The following NFIL3 variants were observed in gnomAD, a reference collection of about 807,000 sequenced individuals.
NFIL3 encodes the protein nuclear factor interleukin-3-regulated protein.
Under a neutral mutation model 10.0 loss-of-function variants are expected in NFIL3, and 5 were observed. That is an observed-to-expected ratio of 0.50 (90% confidence interval 0.26 to 1.06). The LOEUF (loss-of-function observed/expected upper bound fraction) is 1.06, where lower values mean the gene tolerates loss of function less well. NFIL3 is among the 50% of genes least tolerant of loss of function. NFIL3 has a pLI of 0.13. For missense variants in NFIL3, 436 were observed against 547.6 expected (o/e 0.80, Z 2.03); for synonymous variants, 202 against 206.5 (o/e 0.98, Z 0.19).
the NFIL3 span, among the ~76,000 whole-genome samples, chr9:91,471,620 G>A: frequency 4.0e-5 from 6 of 151,342 alleles, no homozygotes; most frequent in African/African-American, 4.9e-5. Context: ...CCATTAACTC[G>A]TCATTTAGCA....
chr9:91,446,126 AGGACTGTGG>A, the NFIL3 span, among the ~76,000 whole-genome samples: 1 of 152,162 alleles, frequency 6.6e-6, no homozygotes, highest in Admixed American at 6.5e-5. Context: ...AGAATCTGTG[AGGACTGTGG>A]GAGTCTCCAA....
the NFIL3 span, among the ~76,000 whole-genome samples, chr9:91,459,593 G>T: frequency 3.9e-5 from 6 of 152,288 alleles, no homozygotes; most frequent in East Asian, 9.7e-4. Flanking sequence ...GCTGAGGCAG[G>T]AGGATTGCTT....
the NFIL3 span, among the ~76,000 whole-genome samples, chr9:91,438,856 T>C: frequency 6.6e-6 from 1 of 152,218 alleles, no homozygotes; most frequent in Admixed American, 6.5e-5. Context: ...CTATTCTGTT[T>C]CACTGGTCTA....
At chr9:91,461,277 T>C in the NFIL3 span, among the ~76,000 whole-genome samples, 1 of 152,204 alleles carries the variant, frequency 6.6e-6, no homozygotes, top group African/African-American at 2.4e-5. Flanking sequence ...TTAGGAAAAC[T>C]TAACCTAGTT....
At chr9:91,441,778 C>T in the NFIL3 span, among the ~76,000 whole-genome samples, 20,303 of 152,188 alleles carry the variant, frequency 0.13, 1,507 homozygotes, top group East Asian at 0.34. Context: ...AAACTCTAGA[C>T]TTTTACCCTA....
chr9:91,478,675 T>C, the NFIL3 span, among the ~76,000 whole-genome samples: 5 of 152,114 alleles, frequency 3.3e-5, no homozygotes, highest in Admixed American at 2.0e-4. Context: ...CGTCCAGTTT[T>C]GTTCCCTTGC....
chr9:91,440,943 T>TC, the NFIL3 span, among the ~76,000 whole-genome samples: 3 of 152,166 alleles, frequency 2.0e-5, no homozygotes, highest in East Asian at 5.8e-4. Context: ...TCCTGGAGAA[T>TC]ATTCCATGTG....
the NFIL3 span, among the ~76,000 whole-genome samples, chr9:91,473,806 C>T: frequency 6.6e-6 from 1 of 152,348 alleles, no homozygotes; most frequent in South Asian, 2.1e-4. Context: ...ACGCTGGGAG[C>T]TGCAGACCAG....
intron 1 of NFIL3, among the ~76,000 whole-genome samples, chr9:91,418,855 GTTTTT>G (rs10608008): frequency 6.8e-6 from 1 of 147,298 alleles, no homozygotes. Flanking sequence ...AGTTTTGGGT[GTTTTT>G]TTTTTTTTTA....
chr9:91,444,455 T>C, the NFIL3 span, among the ~76,000 whole-genome samples: 1 of 152,240 alleles, frequency 6.6e-6, no homozygotes, highest in Admixed American at 6.5e-5. Flanking sequence ...AGTCAGTTAC[T>C]GAAGAATTGT....
the NFIL3 span, among the ~76,000 whole-genome samples, chr9:91,456,390 C>A: frequency 6.6e-6 from 1 of 152,122 alleles, no homozygotes; most frequent in African/African-American, 2.4e-5. Context: ...CTTTCCAACA[C>A]TTGGTATGGT....
chr9:91,474,617 C>A, the NFIL3 span, among the ~76,000 whole-genome samples: 2 of 152,108 alleles, frequency 1.3e-5, no homozygotes, highest in African/African-American at 4.8e-5. Context: ...CTTCTTAGTG[C>A]CTTATGTGCT....
chr9:91,409,339 T>C lies in NFIL3; in HGVS notation c.*7A>G. On this transcript the variant is annotated 3_prime_UTR_variant, in exon 2 of 2. Coordinates refer to ENST00000297689, the MANE Select transcript of NFIL3 (RefSeq NM_005384.3). ...TTCTAAATGCCCAGCTCTTACTCAG[T>C]AGTAATTTACCCAGAGTCTGAAGCA... 7 of 1,546,724 alleles carry C rather than the reference T, an allele frequency of 4.5e-6. No homozygotes were observed. In the South Asian group the frequency reaches 7.6e-5, roughly 17 times the overall value.
At chr9:91,425,345 T>A (rs1833859403), upstream of NFIL3, among the ~76,000 whole-genome samples, 1 of 152,222 alleles carries the variant, frequency 6.6e-6, no homozygotes, top group Non-Finnish European at 1.5e-5. Context: ...GTTAATATCA[T>A]AATAACGCAA....
rs201995681 is a variant in NFIL3, at chr9:91,409,640, G to A, written c.1095C>T (p.Leu365=). Residue 365 remains leucine, a synonymous_variant, in exon 2 of 2, where the codon CTC becomes CTT. Transcript: ENST00000297689. The part of the protein sequence containing the change: ...IDMTSKRHFE[L]EKHSAPSMVH... ...CCATACTTGGGGCACTATGCTTTTCGAGTTCGAAATGTCTTTTAGATGTCA... is the reference window on the plus strand; with the variant it reads ...CCATACTTGGGGCACTATGCTTTTCAAGTTCGAAATGTCTTTTAGATGTCA... 61 of 1,614,174 alleles carry A rather than the reference G, an allele frequency of 3.8e-5. No homozygotes were observed. Among genetic ancestry groups the A allele is most frequent in the Non-Finnish European group, 4.8e-5 (57 of 1,180,034 alleles).
At chr9:91,435,686 A>G in the NFIL3 span, among the ~76,000 whole-genome samples, 6,805 of 152,322 alleles carry the variant, frequency 0.045, 230 homozygotes, top group Non-Finnish European at 0.066. Context: ...CATGGTCTTC[A>G]TGACTACCAT....
chr9:91,469,516 C>G, the NFIL3 span, among the ~76,000 whole-genome samples: 2 of 152,112 alleles, frequency 1.3e-5, no homozygotes, highest in African/African-American at 2.4e-5. Flanking sequence ...ATTGAATACC[C>G]TTTATTTCTT....
the NFIL3 span, among the ~76,000 whole-genome samples, chr9:91,458,307 C>A: frequency 6.6e-6 from 1 of 151,958 alleles, no homozygotes; most frequent in Non-Finnish European, 1.5e-5. Flanking sequence ...ACTAAAAATT[C>A]AATTTCATTA....
At chr9:91,436,316 G>A in the NFIL3 span, among the ~76,000 whole-genome samples, 97 of 152,166 alleles carry the variant, frequency 6.4e-4, no homozygotes, top group African/African-American at 2.3e-3. Context: ...GGTGGCTCAC[G>A]CCTGTAATCC....
Sources: gnomAD v4.1 joint callset for allele counts (sites outside exome capture counted in the v4.1 genomes callset) on GRCh38, gnomAD v4.1.1 for gene constraint, MANE v1.5 for transcripts, NCBI Gene and HGNC (gene_info 2026-07-23, HGNC 2026-07-21) for gene names.